The following ADCY9 variants were observed in gnomAD, a reference collection of about 807,000 sequenced individuals.
ADCY9 encodes adenylate cyclase type 9.
ADCY9 carries 50 observed loss-of-function variants against 101.5 expected under a neutral mutation model. The ratio of observed to expected loss-of-function variants is 0.49; its 90% CI spans 0.39 to 0.62. The LOEUF (loss-of-function observed/expected upper bound fraction) is 0.62, where lower values mean the gene tolerates loss of function less well. Ranked by LOEUF, ADCY9 falls within the 20% of genes least tolerant of loss-of-function variation. The pLI is 0.00. For missense variants in ADCY9, 1,662 were observed against 1,800.4 expected (o/e 0.92, Z 1.39); for synonymous variants, 905 against 769.3 (o/e 1.18, Z -2.92).
intron 3 of ADCY9, among the ~76,000 whole-genome samples, chr16:4,005,295 C>T (rs1004522778): frequency 6.6e-6 from 1 of 152,222 alleles, no homozygotes; most frequent in African/African-American, 2.4e-5. Context: ...GTGGCAAAAT[C>T]ATAGCTCATG....
At chr16:4,071,573 A>G (rs1401107356) in intron 2 of ADCY9, among the ~76,000 whole-genome samples, 1 of 152,082 alleles carries the variant, frequency 6.6e-6, no homozygotes. Context: ...TATTATATAT[A>G]TAATTTATCC....
chr16:4,045,948 GATCCTCCCATTTCAGCCTCCCC>G (rs2056661773), intron 2 of ADCY9, among the ~76,000 whole-genome samples: 1 of 140,220 alleles, frequency 7.1e-6, no homozygotes. Flanking sequence ...AGGCTCAAGC[GATCCTCCCATTTCAGCCTCCCC>G]AGTAGCTGGG....
intron 2 of ADCY9, among the ~76,000 whole-genome samples, chr16:4,102,790 C>A (rs762143890): frequency 9.1e-4 from 138 of 152,106 alleles, no homozygotes; most frequent in Admixed American, 2.5e-3. Flanking sequence ...GGTGCCATCT[C>A]GGCTCACTGC....
intron 3 of ADCY9, among the ~76,000 whole-genome samples, chr16:3,996,921 G>A (rs1373388236): frequency 6.6e-6 from 1 of 152,156 alleles, no homozygotes; most frequent in Admixed American, 6.5e-5. Flanking sequence ...CTGGAGTGCA[G>A]TGGGGAGATC....
At chr16:4,022,917 A>G (rs2056487728) in intron 2 of ADCY9, among the ~76,000 whole-genome samples, 2 of 152,230 alleles carry the variant, frequency 1.3e-5, no homozygotes, top group Admixed American at 1.3e-4. Context: ...GACCTATTCT[A>G]AATCCTACTA....
Position 3,977,621 on chromosome 16 carries a change from A to G in ADCY9, c.2689T>C (p.Phe897Leu). ...EYETNIHFPVFTGSAALIAVV... is the reference protein window; with the variant it reads ...EYETNIHFPVLTGSAALIAVV... Reference sequence around the variant, plus strand: ...GCAATCAGCGCGGCCGAGCCTGTGAACACTGGGAACTGCAAGAGGCGAAGG... The same window carrying G: ...GCAATCAGCGCGGCCGAGCCTGTGAGCACTGGGAACTGCAAGAGGCGAAGG... Residue 897 changes from phenylalanine (F) to leucine (L), a missense_variant, in exon 9 of 11, where the codon TTC becomes CTC. Physicochemically the swap from Phe to Leu is conservative, Grantham distance 22. Coordinates refer to ENST00000294016, the MANE Select transcript of ADCY9 (RefSeq NM_001116.4). The G allele has an allele frequency of 6.2e-7, 1 of 1,613,020 alleles. No individual in the cohort carries two copies.
intron 2 of ADCY9, chr16:4,032,658 C>T (rs111604130): frequency 0.036 from 5,425 of 151,686 alleles, 212 homozygotes; most frequent in Middle Eastern, 0.1. Flanking sequence ...TACAGGTGCC[C>T]ACCACCATGC....
intron 2 of ADCY9, among the ~76,000 whole-genome samples, chr16:4,042,307 T>C (rs1477677480): frequency 6.6e-6 from 1 of 152,106 alleles, no homozygotes; most frequent in Non-Finnish European, 1.5e-5. Flanking sequence ...GCTTAAGCAA[T>C]TCTCCCGCTT....
intron 2 of ADCY9, among the ~76,000 whole-genome samples, chr16:4,033,283 A>T (rs979629262): frequency 2.0e-5 from 3 of 152,186 alleles, no homozygotes; most frequent in Admixed American, 2.0e-4. Flanking sequence ...ATTATTTATA[A>T]CGGCTTGGAA....
At chr16:4,094,814 C>A (rs1008273191) in intron 2 of ADCY9, among the ~76,000 whole-genome samples, 3 of 149,308 alleles carry the variant, frequency 2.0e-5, no homozygotes, top group Non-Finnish European at 4.5e-5. Context: ...GAAGAAAACA[C>A]ACACAGAAAC....
chr16:3,998,226 C>T lies in ADCY9; in HGVS notation c.1885-4716G>A, dbSNP rs1341952985. Reference sequence around the variant, plus strand: ...ATCAACCTGGGCAATGTATCAAGACCCCATCTCTACAAAAGCTTTTTAAAA... The same window carrying T: ...ATCAACCTGGGCAATGTATCAAGACTCCATCTCTACAAAAGCTTTTTAAAA... On this transcript the variant is annotated intron_variant, in intron 3 of 10. Transcript: ENST00000294016. Among the ~76,000 whole-genome samples, 7 of 152,204 alleles carry T rather than the reference C, an allele frequency of 4.6e-5. No individual in the cohort carries two copies. The East Asian group carries it at 1.2e-3, about 25-fold the overall frequency.
chr16:3,955,117 G>A (rs556740414), intron 5 of ADCY9, among the ~76,000 whole-genome samples: 6 of 152,014 alleles, frequency 3.9e-5, no homozygotes, highest in East Asian at 1.9e-4. Context: ...TTTGGGTCAC[G>A]GTCTGATTCA....
Position 3,969,569 on chromosome 16 carries a change from A to AATAT in ADCY9, c.2871-2607_2871-2604dup, listed in dbSNP as rs57260468. ...GCACAATTTCTTAAAGTTTGTTTGA[A>AATAT]ATATATATATATATATATATATATA... On this transcript the variant is annotated intron_variant, in intron 10 of 10. Coordinates refer to ENST00000294016, the MANE Select transcript of ADCY9 (RefSeq NM_001116.4). 9.0e-3 allele frequency among the ~76,000 whole-genome samples: 408 copies of AATAT among 45,194 alleles called. 16 individuals are homozygous for AATAT. The highest frequency in any genetic ancestry group is 0.012 in the Admixed American group (29 of 2,480). 29.6% of individuals were successfully genotyped at this position (45,194 alleles called of 152,430 possible).
intron 6 of ADCY9, among the ~76,000 whole-genome samples, chr16:3,988,350 G>C (rs1016267019): frequency 3.3e-5 from 5 of 151,962 alleles, no homozygotes; most frequent in African/African-American, 9.7e-5. Flanking sequence ...AAGAAAGCAG[G>C]GAGGGCAACA....
chr16:4,072,386 A>C (rs928837718), intron 2 of ADCY9, among the ~76,000 whole-genome samples: 1 of 152,220 alleles, frequency 6.6e-6, no homozygotes, highest in Non-Finnish European at 1.5e-5. Context: ...CCAAGAACTT[A>C]CCATAAAGCC....
chr16:3,977,307 T>C (rs1328303809), intron 9 of ADCY9, among the ~76,000 whole-genome samples, 175 bp downstream of exon 9: 1 of 152,276 alleles, frequency 6.6e-6, no homozygotes, highest in African/African-American at 2.4e-5. Flanking sequence ...CATATTACTC[T>C]GAGGGCATCT....
chr16:4,113,703 A>G, intron 2 of ADCY9, 47 bp downstream of exon 2: 1 of 1,557,552 alleles, frequency 6.4e-7, no homozygotes, highest in South Asian at 1.2e-5. Context: ...AATTTAATAC[A>G]ATCAGGATCA....
intron 5 of ADCY9, among the ~76,000 whole-genome samples, chr16:3,990,988 C>CG (rs1200934699): frequency 4.6e-5 from 7 of 152,106 alleles, no homozygotes; most frequent in African/African-American, 1.7e-4. Flanking sequence ...TTAGTAGAGA[C>CG]GGGGTTTCAC....
chr16:4,026,036 T>C (rs571648755), intron 2 of ADCY9, among the ~76,000 whole-genome samples: 1 of 152,292 alleles, frequency 6.6e-6, no homozygotes, highest in Admixed American at 6.5e-5. Context: ...GTAAGGCACT[T>C]AACTATTTGT....
Sources: gnomAD v4.1 joint callset for allele counts (sites outside exome capture counted in the v4.1 genomes callset) on GRCh38, gnomAD v4.1.1 for gene constraint, MANE v1.5 for transcripts, NCBI Gene and HGNC (gene_info 2026-07-23, HGNC 2026-07-21) for gene names.